Variants in DIPK2B observed in about 807,000 individuals in gnomAD.
The protein encoded by DIPK2B is divergent protein kinase domain 2B.
Under a neutral mutation model 22.2 loss-of-function variants are expected in DIPK2B, and 15 were observed. That is an observed-to-expected ratio of 0.68 (90% CI 0.45 to 1.04). DIPK2B has a LOEUF of 1.04. Among genes scored for constraint, DIPK2B ranks in the 50% least tolerant of loss-of-function variants. DIPK2B has a pLI of 0.00. For missense variants in DIPK2B, 345 were observed against 348.3 expected, an observed-to-expected ratio of 0.99 and a Z score of 0.08; for synonymous variants, 163 against 153.2, an observed-to-expected ratio of 1.06 and a Z score of -0.47.
chrX:45,190,567 C>T (rs954899705), intron 2 of DIPK2B, among the ~76,000 whole-genome samples: 12 of 112,076 alleles, frequency 1.1e-4, no homozygotes, highest in African/African-American at 3.9e-4. Flanking sequence ...GTGTCTGATT[C>T]ATCTTCGAAT....
chrX:45,173,913 T>C (rs1291881422), intron 2 of DIPK2B, among the ~76,000 whole-genome samples: 5 of 111,273 alleles, frequency 4.5e-5, no homozygotes, highest in Non-Finnish European at 9.4e-5. Context: ...TATTTCCCCC[T>C]CTTCACTGCC....
rs2046956927 is a variant in DIPK2B at position 45,150,830 on chromosome X, C to T, written c.*822G>A. On this transcript the variant is annotated 3_prime_UTR_variant, in exon 5 of 5. Coordinates refer to ENST00000398000, the MANE Select transcript of DIPK2B (RefSeq NM_176819.4). ...TCAGCTTGCAGCTCGACTTACTGGT[C>T]CTCCCAATCTTCTCCGGCTCCCTCC... 9.0e-6 allele frequency: 1 copy of T among 111,687 alleles called. No individual in the cohort carries two copies. The highest frequency in any genetic ancestry group is 3.3e-5 in the African/African-American group (1 of 30,642). 9.2% of individuals were successfully genotyped at this position (111,687 alleles called of 1,213,427 possible).
chrX:45,191,422 G>C (rs1163211999), intron 2 of DIPK2B: 1 of 249,317 alleles, frequency 4.0e-6, no homozygotes, highest in Non-Finnish European at 7.1e-6. Flanking sequence ...GAATGATGCA[G>C]GTGAGTTGAG....
At chrX:45,178,311 T>C (rs1423234514) in intron 2 of DIPK2B, among the ~76,000 whole-genome samples, 1 of 112,188 alleles carries the variant, frequency 8.9e-6, no homozygotes, top group East Asian at 2.8e-4. Context: ...ATAGCTATAT[T>C]TAGGATTTTG....
In DIPK2B at chrX:45,157,854, T is replaced by C; in HGVS notation, c.533A>G (p.Gln178Arg). The C allele has an allele frequency of 8.6e-7, 1 of 1,160,372 alleles. No homozygotes were observed. Among genetic ancestry groups the C allele is most frequent in the Non-Finnish European group, 1.1e-6 (1 of 870,789 alleles). The change falls in exon 3 of 5, where the codon CAG (glutamine) becomes CGG (arginine). Residue 178 changes from glutamine (Q) to arginine (R), a missense_variant. Gln to Arg is a conservative substitution (Grantham distance 43). Transcript: ENST00000398000. The stretch of plus-strand genomic sequence containing the variant: ...CCTGACCACGCGATCCAGGAGTCGC[T>C]GCGAAGGGCAGCGCAGGAGCGGGCT... ...LASPLLRCPS[Q>R]RLLDRVVRRY...
intron 2 of DIPK2B, chrX:45,164,141 G>A (rs1423565862): frequency 1.7e-6 from 2 of 1,156,247 alleles, no homozygotes; most frequent in Non-Finnish European, 1.2e-6. Context: ...TTGGGAGAAG[G>A]CTAACACTTT....
intron 3 of DIPK2B, among the ~76,000 whole-genome samples, 183 bp from the exon 4 acceptor site, chrX:45,154,381 T>A (rs1362831137): frequency 9.0e-6 from 1 of 110,956 alleles, no homozygotes; most frequent in Non-Finnish European, 1.9e-5. Context: ...TATCTCTATC[T>A]ACCTATATCT....
chrX:45,176,767 C>A (rs1311440813), intron 2 of DIPK2B, among the ~76,000 whole-genome samples: 1 of 111,772 alleles, frequency 8.9e-6, no homozygotes, highest in Non-Finnish European at 1.9e-5. Context: ...GAGAAATCAC[C>A]CTTTGTTCTC....
intron 2 of DIPK2B, among the ~76,000 whole-genome samples, chrX:45,180,424 C>G (rs1048138583): frequency 5.4e-5 from 6 of 111,424 alleles, no homozygotes; most frequent in Middle Eastern, 4.6e-3. Flanking sequence ...TTCTTTTTCT[C>G]TAAAGTTTGG....
chrX:45,160,088 C>T (rs181308378), intron 2 of DIPK2B, among the ~76,000 whole-genome samples: 6 of 110,303 alleles, frequency 5.4e-5, no homozygotes, highest in Admixed American at 2.9e-4. Flanking sequence ...CCTTCCTCTT[C>T]GCCTTCTGCC....
intron 2 of DIPK2B, among the ~76,000 whole-genome samples, chrX:45,170,380 C>T (rs2047074612): frequency 8.9e-6 from 1 of 112,239 alleles, no homozygotes; most frequent in Admixed American, 9.4e-5. Flanking sequence ...TGTCTTAGAT[C>T]AGCACCCACT....
At chrX:45,180,715 G>A (rs1465648775) in intron 2 of DIPK2B, among the ~76,000 whole-genome samples, 2 of 111,399 alleles carry the variant, frequency 1.8e-5, no homozygotes, top group Admixed American at 1.9e-4. Context: ...TGGGGCATAC[G>A]TTGCAAGACC....
At chrX:45,189,094 TG>T (rs1301971445) in intron 2 of DIPK2B, among the ~76,000 whole-genome samples, 1 of 112,402 alleles carries the variant, frequency 8.9e-6, no homozygotes, top group East Asian at 2.8e-4. Context: ...TGTCTCACCA[TG>T]GTCCCCAGGC....
rs778708679 is a variant in DIPK2B, at chrX:45,153,474, T to TGTGTGTG, written c.961+435_961+436insCACACAC. ...TGAGTGGGAGATGGACCCAAAAGTTTTGTGTGTGTGTGTGTGTGTGTGTGT... is the reference window on the plus strand; with the variant it reads ...TGAGTGGGAGATGGACCCAAAAGTTTGTGTGTGTGTGTGTGTGTGTGTGTGTGTGTGT... On this transcript the variant is annotated intron_variant, in intron 4 of 4. Coordinates refer to ENST00000398000, the MANE Select transcript of DIPK2B (RefSeq NM_176819.4). Among the ~76,000 whole-genome samples, 13 of 73,862 alleles carry TGTGTGTG rather than the reference T, an allele frequency of 1.8e-4. No individual in the cohort carries two copies. In the Admixed American group the frequency reaches 1.8e-3, roughly 10 times the overall value. 64.1% of individuals were successfully genotyped at this position (73,862 alleles called of 115,157 possible).
At chrX:45,153,831 A>T (rs1387684704) in intron 4 of DIPK2B, 79 bp downstream of exon 4, 1 of 898,087 alleles carries the variant, frequency 1.1e-6, no homozygotes, top group East Asian at 3.3e-5. Context: ...CAATAGCATG[A>T]CCCCTGGCCA....
chrX:45,158,658 G>A (rs1435125289), intron 2 of DIPK2B, among the ~76,000 whole-genome samples: 1 of 110,214 alleles, frequency 9.1e-6, no homozygotes. Flanking sequence ...ATAGAGTTAA[G>A]AACAAGGCCC....
chrX:45,192,936 G>A (rs1367894378), intron 1 of DIPK2B, among the ~76,000 whole-genome samples: 2 of 111,962 alleles, frequency 1.8e-5, no homozygotes, highest in Non-Finnish European at 3.8e-5. Flanking sequence ...GCGCCACCAC[G>A]CCCAGCTAAT....
chrX:45,159,163 T>A (rs1192941569), intron 2 of DIPK2B, among the ~76,000 whole-genome samples: 1 of 110,798 alleles, frequency 9.0e-6, no homozygotes, highest in Non-Finnish European at 1.9e-5. Flanking sequence ...TGGGGATAAG[T>A]AATTTTTTCT....
rs766361695 is a variant in DIPK2B, at chrX:45,157,714, C to T, written c.672+1G>A. On this transcript the variant is annotated splice_donor_variant, in intron 3 of 4. Transcript: ENST00000398000. LOFTEE classifies it high-confidence loss of function. ...AGAGGGCTTGCCAGGTCGCTGCATA[C>T]CTGTAGGAGGATGGGGTGCGAGTTG... 2.5e-6 allele frequency: 3 copies of T among 1,188,060 alleles called. No homozygotes were observed. The highest frequency in any genetic ancestry group is 3.4e-6 in the Non-Finnish European group (3 of 883,550).
Sources: allele counts gnomAD v4.1 joint callset (sites outside exome capture counted in the v4.1 genomes callset), GRCh38; gene constraint gnomAD v4.1.1; transcripts MANE v1.5; gene names NCBI Gene and HGNC (gene_info 2026-07-23, HGNC 2026-07-21).